Variants in FGGY observed in about 807,000 individuals in gnomAD.
The protein encoded by FGGY is FGGY carbohydrate kinase domain containing.
A neutral mutation model predicts 71.3 loss-of-function variants in FGGY; 72 were observed. The ratio of observed to expected loss-of-function variants is 1.01; its 90% confidence interval spans 0.84 to 1.23. The LOEUF (loss-of-function observed/expected upper bound fraction) is 1.23, where lower values mean the gene tolerates loss of function less well. Among genes scored for constraint, FGGY ranks in the 50% most tolerant of loss-of-function variants. The pLI, the probability that FGGY is intolerant of heterozygous loss-of-function variation, is 0.00. For synonymous variants in FGGY, 251 were observed against 250.3 expected (o/e 1.00, Z -0.02); for missense variants, 668 against 682.3 (o/e 0.98, Z 0.23).
Position 59,622,291 on chromosome 1 carries a change from A to C in FGGY, c.1012-3697A>C, listed in dbSNP as rs111366630. ...TATCTTCTAACGCCTGTGTCACCTC[A>C]GATTTGGTGTTCACTAAGTGGCTTT... On this transcript the variant is annotated intron_variant, in intron 9 of 15. Transcript: ENST00000303721. Among the ~76,000 whole-genome samples the C allele has an allele frequency of 7.6e-3, 1,156 of 152,192 alleles. 18 individuals are homozygous for C. Among genetic ancestry groups the C allele is most frequent in the African/African-American group, 0.027 (1,102 of 41,516 alleles).
Position 59,340,056 on chromosome 1 carries a change from A to C in FGGY, c.300A>C (p.Pro100=). The C allele has an allele frequency of 1.9e-6, 3 of 1,611,432 alleles. No homozygotes were observed. Among genetic ancestry groups the C allele is most frequent in the Non-Finnish European group, 2.5e-6 (3 of 1,178,518 alleles). The part of the protein sequence containing the change: ...VVLDKQFHPL[P]VNQEGDSHRN... ...TGGATAAGCAGTTTCACCCATTACCAGTCAACCAGGAAGGTAAGACCATGT... is the reference window on the plus strand; with the variant it reads ...TGGATAAGCAGTTTCACCCATTACCCGTCAACCAGGAAGGTAAGACCATGT... The change falls in exon 3 of 16, where the codon CCA becomes CCC. Residue 100 remains proline, a synonymous_variant. Transcript: ENST00000303721.
intron 9 of FGGY, among the ~76,000 whole-genome samples, chr1:59,610,083 T>C (rs983771648): frequency 6.6e-6 from 1 of 152,256 alleles, no homozygotes. Flanking sequence ...TATTTTATTT[T>C]ACTTTCAGTT....
At chr1:59,386,118 A>G (rs1225434901) in intron 5 of FGGY, among the ~76,000 whole-genome samples, 1 of 152,218 alleles carries the variant, frequency 6.6e-6, no homozygotes, top group African/African-American at 2.4e-5. Flanking sequence ...TTATTATGAT[A>G]CATTTGTCAT....
intron 5 of FGGY, among the ~76,000 whole-genome samples, chr1:59,399,217 G>A (rs1163695931): frequency 6.6e-6 from 1 of 152,044 alleles, no homozygotes; most frequent in Non-Finnish European, 1.5e-5. Flanking sequence ...TGTTTGCATC[G>A]GTTTTAGAAT....
intron 10 of FGGY, among the ~76,000 whole-genome samples, chr1:59,627,934 C>G (rs1056531710): frequency 1.3e-5 from 2 of 152,148 alleles, no homozygotes; most frequent in African/African-American, 4.8e-5. Context: ...AGGTCTTCCT[C>G]TTCACTGTCA....
chr1:59,704,306 A>G (rs2097735582), intron 14 of FGGY, among the ~76,000 whole-genome samples: 1 of 152,124 alleles, frequency 6.6e-6, no homozygotes, highest in Admixed American at 6.6e-5. Context: ...TCTGTTGCCA[A>G]CTTGCTTTTC....
Position 59,504,921 on chromosome 1 carries a change from T to C in FGGY, c.671-7390T>C, listed in dbSNP as rs76434009. Among the ~76,000 whole-genome samples, 378 of 152,350 alleles carry C rather than the reference T, an allele frequency of 2.5e-3. 2 individuals are homozygous for C. The highest frequency in any genetic ancestry group is 4.5e-3 in the Non-Finnish European group (303 of 68,026). ...CTAAATGAACATTGCTGAGAACTTA[T>C]GTTCTAGACACTGCTGACGTTGTGC... On this transcript the variant is annotated intron_variant, in intron 6 of 15. Coordinates refer to ENST00000303721, the MANE Select transcript of FGGY (RefSeq NM_018291.5).
chr1:59,395,385 T>G (rs992470572), intron 5 of FGGY, among the ~76,000 whole-genome samples: 2 of 152,242 alleles, frequency 1.3e-5, no homozygotes, highest in African/African-American at 4.8e-5. Context: ...TAATGCCTGA[T>G]TGATCTCCAA....
At chr1:59,598,074 C>G (rs1412645330) in intron 8 of FGGY, among the ~76,000 whole-genome samples, 1 of 152,062 alleles carries the variant, frequency 6.6e-6, no homozygotes, top group Non-Finnish European at 1.5e-5. Flanking sequence ...CTCCTCCTCC[C>G]TTGCGTGATC....
At chr1:59,495,014 G>A (rs891833568) in intron 6 of FGGY, among the ~76,000 whole-genome samples, 1 of 152,108 alleles carries the variant, frequency 6.6e-6, no homozygotes, top group Non-Finnish European at 1.5e-5. Context: ...ACCAGTATCT[G>A]TTATCTTCTG....
At chr1:59,355,145 C>T (rs1570888496) in intron 4 of FGGY, among the ~76,000 whole-genome samples, 1 of 151,908 alleles carries the variant, frequency 6.6e-6, no homozygotes, top group Non-Finnish European at 1.5e-5. Flanking sequence ...TGTTTTATGA[C>T]CTTAAAAAAA....
At chr1:59,397,313 C>T (rs189535004) in intron 5 of FGGY, among the ~76,000 whole-genome samples, 18 of 152,222 alleles carry the variant, frequency 1.2e-4, no homozygotes, top group Middle Eastern at 6.8e-3. Context: ...AGGGACGTGG[C>T]GTTGTGTTTC....
chr1:59,473,122 TC>T (rs1333374102), intron 6 of FGGY, among the ~76,000 whole-genome samples: 1 of 152,124 alleles, frequency 6.6e-6, no homozygotes, highest in African/African-American at 2.4e-5. Context: ...CTTTGTTCTT[TC>T]TCTCTTTGCA....
At chr1:59,308,402 C>T (rs2043762803) in intron 1 of FGGY, among the ~76,000 whole-genome samples, 1 of 152,190 alleles carries the variant, frequency 6.6e-6, no homozygotes, top group Non-Finnish European at 1.5e-5. Flanking sequence ...ACTGTAATAG[C>T]TGCTCATTGA....
At chr1:59,684,692 G>T (rs1482436923) in intron 14 of FGGY, among the ~76,000 whole-genome samples, 2 of 152,144 alleles carry the variant, frequency 1.3e-5, no homozygotes, top group Non-Finnish European at 2.9e-5. Context: ...CACAGGCTGG[G>T]TAAGATGAAA....
intron 7 of FGGY, among the ~76,000 whole-genome samples, chr1:59,546,431 G>T (rs1393268074): frequency 6.8e-6 from 1 of 146,674 alleles, no homozygotes; most frequent in Admixed American, 6.9e-5. Context: ...GAGGGTTGGG[G>T]TGGGGAGGGG....
chr1:59,538,035 G>T (rs1400497809), intron 7 of FGGY, among the ~76,000 whole-genome samples: 1 of 152,090 alleles, frequency 6.6e-6, no homozygotes, highest in Non-Finnish European at 1.5e-5. Flanking sequence ...CACAGCAAAA[G>T]AAACTACCAT....
At chr1:59,555,719 G>A (rs962352891) in intron 8 of FGGY, among the ~76,000 whole-genome samples, 1 of 152,138 alleles carries the variant, frequency 6.6e-6, no homozygotes, top group South Asian at 2.1e-4. Flanking sequence ...AGCATATTTG[G>A]CCAGACACAG....
In FGGY at chr1:59,745,190, G is replaced by A. The variant is rs537511214; in HGVS notation, c.1513-12741G>A. The stretch of plus-strand genomic sequence containing the variant: ...GGCTTGGCTAGAGGGTTTCTGTATC[G>A]TAAACAGTCTAAGGCCAGCTCCAAA... On this transcript the variant is annotated intron_variant, in intron 14 of 15. Coordinates refer to ENST00000303721, the MANE Select transcript of FGGY (RefSeq NM_018291.5). 7.0e-4 allele frequency among the ~76,000 whole-genome samples: 107 copies of A among 152,200 alleles called. 1 individual carries two copies. The highest frequency in any genetic ancestry group is 1.3e-4 in the Non-Finnish European group (9 of 68,022).
Sources: allele counts gnomAD v4.1 joint callset (sites outside exome capture counted in the v4.1 genomes callset), GRCh38; gene constraint gnomAD v4.1.1; transcripts MANE v1.5; gene names NCBI Gene and HGNC (gene_info 2026-07-23, HGNC 2026-07-21).